JAKMIP2: variants seen among roughly 807,000 people sequenced by gnomAD.
JAKMIP2 encodes the protein janus kinase and microtubule-interacting protein 2.
JAKMIP2 carries 25 observed loss-of-function variants against 115.0 expected under a neutral mutation model. That is an observed-to-expected ratio of 0.22 (90% confidence interval 0.16 to 0.30). The LOEUF (loss-of-function observed/expected upper bound fraction) is 0.30. Ranked by LOEUF, JAKMIP2 falls within the 10% of genes least tolerant of loss-of-function variation. JAKMIP2 has a pLI of 1.00. For synonymous variants in JAKMIP2, 334 were observed against 343.6 expected (o/e 0.97, Z 0.31); for missense variants, 642 against 957.6 (o/e 0.67, Z 4.35).
intron 9 of JAKMIP2, among the ~76,000 whole-genome samples, chr5:147,640,051 C>T (rs1161037552): frequency 1.3e-5 from 2 of 152,008 alleles, no homozygotes; most frequent in Non-Finnish European, 2.9e-5. Context: ...ATTTTGGATC[C>T]AAATAAGAAA....
chr5:147,644,477 C>T (rs755473570), intron 6 of JAKMIP2, among the ~76,000 whole-genome samples: 19 of 152,194 alleles, frequency 1.2e-4, no homozygotes, highest in Non-Finnish European at 2.4e-4. Context: ...GTAATGGTAT[C>T]TATTTCCCAA....
intron 1 of JAKMIP2, among the ~76,000 whole-genome samples, chr5:147,763,188 G>A (rs1180037781): frequency 6.6e-6 from 1 of 152,102 alleles, no homozygotes; most frequent in Non-Finnish European, 1.5e-5. Context: ...GGAGAAATTG[G>A]TAAGGGGTGA....
intron 1 of JAKMIP2, among the ~76,000 whole-genome samples, chr5:147,739,545 C>T (rs531606182): frequency 6.6e-6 from 1 of 152,186 alleles, no homozygotes; most frequent in African/African-American, 2.4e-5. Context: ...ACAGAAGAGC[C>T]TCTGAAGAGC....
chr5:147,778,335 C>T (rs11957417), intron 1 of JAKMIP2, among the ~76,000 whole-genome samples: 2,472 of 151,880 alleles, frequency 0.016, 75 homozygotes, highest in African/African-American at 0.056. Flanking sequence ...GCCTGATACC[C>T]TAAGCACATA....
At chr5:147,686,761 T>C (rs1760592949) in intron 1 of JAKMIP2, among the ~76,000 whole-genome samples, 2 of 152,240 alleles carry the variant, frequency 1.3e-5, no homozygotes, top group South Asian at 2.1e-4. Context: ...CTCTGTAGTA[T>C]ATTAATTGTA....
Position 147,631,455 on chromosome 5 carries a change from A to G in JAKMIP2, c.1833T>C (p.Gly611=). 1.2e-6 allele frequency: 2 copies of G among 1,612,308 alleles called. No homozygotes were observed. Among genetic ancestry groups the G allele is most frequent in the Non-Finnish European group, 1.7e-6 (2 of 1,178,472 alleles). ...TACAGTAGATCTGTAGAGCACTCAC[A>G]CCATCTGAGAATGGGTGAATTTGGA... The part of the protein sequence containing the change: ...FNLQIHPFSD[G]VSALQIYCMK... Residue 611 remains glycine, a synonymous_variant, in exon 14 of 22, where the codon GGT becomes GGC. Transcript: ENST00000616793.
chr5:147,742,101 G>T (rs1754159180), intron 1 of JAKMIP2, among the ~76,000 whole-genome samples: 1 of 143,842 alleles, frequency 7.0e-6, no homozygotes, highest in African/African-American at 2.6e-5. Flanking sequence ...CTTTATCTGT[G>T]ACCTTCTTTC....
At chr5:147,761,382 T>A (rs1207638139) in intron 1 of JAKMIP2, among the ~76,000 whole-genome samples, 1 of 152,052 alleles carries the variant, frequency 6.6e-6, no homozygotes, top group Non-Finnish European at 1.5e-5. Context: ...AGCATCACCT[T>A]TTCCATTTTA....
intron 1 of JAKMIP2, among the ~76,000 whole-genome samples, chr5:147,777,793 C>T (rs963378148): frequency 3.9e-5 from 6 of 151,998 alleles, no homozygotes; most frequent in African/African-American, 1.2e-4. Context: ...TTCTATTTGG[C>T]CAGGGCTGAA....
intron 20 of JAKMIP2, among the ~76,000 whole-genome samples, chr5:147,611,173 C>A (rs1377014506): frequency 6.6e-6 from 1 of 152,120 alleles, no homozygotes; most frequent in East Asian, 1.9e-4. Context: ...GGCTTCAGGC[C>A]CCTTTCCAGG....
intron 1 of JAKMIP2, among the ~76,000 whole-genome samples, chr5:147,742,139 T>TTTTATATATA (rs1212527975): frequency 1.0e-5 from 1 of 98,232 alleles, no homozygotes; most frequent in African/African-American, 5.1e-5. Flanking sequence ...CTGTGGATCA[T>TTTTATATATA]TATATATATA....
chr5:147,601,326 C>A (rs1180262071), intron 21 of JAKMIP2, among the ~76,000 whole-genome samples: 1 of 152,084 alleles, frequency 6.6e-6, no homozygotes, highest in East Asian at 1.9e-4. Flanking sequence ...ATAGACCAGG[C>A]CTGATGGCTT....
At chr5:147,697,424 G>A (rs537284052) in intron 1 of JAKMIP2, among the ~76,000 whole-genome samples, 1 of 152,126 alleles carries the variant, frequency 6.6e-6, no homozygotes, top group African/African-American at 2.4e-5. Flanking sequence ...GATTTGAATG[G>A]GGACACAGCC....
At chr5:147,675,473 C>CTT (rs201097949) in intron 1 of JAKMIP2, among the ~76,000 whole-genome samples, 3 of 145,810 alleles carry the variant, frequency 2.1e-5, no homozygotes, top group African/African-American at 7.5e-5. Flanking sequence ...CCTTGTGCTG[C>CTT]TTTTTTTTTT....
At chr5:147,738,658 T>C (rs1277712217) in intron 1 of JAKMIP2, among the ~76,000 whole-genome samples, 1 of 152,060 alleles carries the variant, frequency 6.6e-6, no homozygotes, top group Non-Finnish European at 1.5e-5. Flanking sequence ...AAAAAAAGTT[T>C]CACAATCAAT....
intron 1 of JAKMIP2, among the ~76,000 whole-genome samples, chr5:147,762,188 C>A (rs563215893): frequency 1.3e-5 from 2 of 152,230 alleles, no homozygotes; most frequent in South Asian, 4.1e-4. Flanking sequence ...TGTATACAAA[C>A]AGGATCATTC....
At chr5:147,645,517 T>G (rs1758092188) in intron 5 of JAKMIP2, among the ~76,000 whole-genome samples, 1 of 152,122 alleles carries the variant, frequency 6.6e-6, no homozygotes, top group African/African-American at 2.4e-5. Context: ...AAAAGAAATT[T>G]TATCGAGGGG....
chr5:147,700,924 A>G (rs1436935160), intron 1 of JAKMIP2, among the ~76,000 whole-genome samples: 1 of 152,206 alleles, frequency 6.6e-6, no homozygotes, highest in African/African-American at 2.4e-5. Context: ...AGTGGAAACT[A>G]AGGGTGGTGT....
In JAKMIP2 at chr5:147,586,447, T is replaced by A. The variant is rs1375160138; in HGVS notation, c.*5260A>T. ...AACAGATGCTGGGGATCTGTTTTAG[T>A]TGGAAAATTGCATCATCCACTCTTT... On this transcript the variant is annotated 3_prime_UTR_variant, in exon 22 of 22. Coordinates refer to ENST00000616793, the MANE Select transcript of JAKMIP2 (RefSeq NM_001270941.2). The A allele has an allele frequency of 6.6e-6, 1 of 152,110 alleles. No individual in the cohort carries two copies. Among genetic ancestry groups the A allele is most frequent in the East Asian group, 1.9e-4 (1 of 5,192 alleles). 9.4% of individuals were successfully genotyped at this position (152,110 alleles called of 1,614,324 possible).
Sources: gnomAD v4.1 joint callset for allele counts (sites outside exome capture counted in the v4.1 genomes callset) on GRCh38, gnomAD v4.1.1 for gene constraint, MANE v1.5 for transcripts, NCBI Gene and HGNC (gene_info 2026-07-23, HGNC 2026-07-21) for gene names.